The following KDM4C variants were observed in gnomAD, a reference collection of about 807,000 sequenced individuals.
The protein encoded by KDM4C is lysine demethylase 4C.
In KDM4C, 81 loss-of-function variants were observed where a neutral mutation model predicts 129.3. The observed-to-expected ratio is 0.63, with a 90% CI of 0.52 to 0.75. The LOEUF (loss-of-function observed/expected upper bound fraction) is 0.75. KDM4C is among the 30% of genes least tolerant of loss of function. The pLI is 0.00. For missense variants in KDM4C, 1,457 were observed against 1,304.0 expected (o/e 1.12, Z -1.81); for synonymous variants, 573 against 456.1 (o/e 1.26, Z -3.26).
chr9:7,010,594 C>G (rs145431951), intron 12 of KDM4C, among the ~76,000 whole-genome samples: 6 of 152,212 alleles, frequency 3.9e-5, no homozygotes, highest in Non-Finnish European at 8.8e-5. Context: ...TGTCACAGCC[C>G]TAGACACTGG....
chr9:7,151,524 A>C (rs770189918), intron 19 of KDM4C, among the ~76,000 whole-genome samples: 1 of 152,144 alleles, frequency 6.6e-6, no homozygotes, highest in Non-Finnish European at 1.5e-5. Flanking sequence ...TTTAAAAAAA[A>C]ATTAGCCAAG....
At chr9:7,019,939 G>A (rs995026815) in intron 15 of KDM4C, among the ~76,000 whole-genome samples, 13 of 151,588 alleles carry the variant, frequency 8.6e-5, no homozygotes, top group African/African-American at 1.2e-4. Context: ...TCATAGATCA[G>A]CTCTCTTTTT....
intron 17 of KDM4C, among the ~76,000 whole-genome samples, chr9:7,068,907 G>A (rs1486909292): frequency 6.6e-6 from 1 of 151,824 alleles, no homozygotes; most frequent in East Asian, 1.9e-4. Flanking sequence ...GTGTTGGCCA[G>A]ACTGGTCTCG....
intron 8 of KDM4C, among the ~76,000 whole-genome samples, chr9:6,946,719 A>C (rs4742272): frequency 6.6e-6 from 1 of 151,938 alleles, no homozygotes; most frequent in Non-Finnish European, 1.5e-5. Context: ...TATGTCACTC[A>C]TGTTCTTTCT....
Position 6,833,975 on chromosome 9 carries a change from C to G in KDM4C, c.436-15532C>G, listed in dbSNP as rs548078096. Among the ~76,000 whole-genome samples the G allele has an allele frequency of 3.3e-5, 5 of 151,534 alleles. No individual in the cohort carries two copies. In the East Asian group the frequency reaches 9.7e-4, roughly 29 times the overall value. On this transcript the variant is annotated intron_variant, in intron 4 of 21. Coordinates refer to ENST00000381309, the MANE Select transcript of KDM4C (RefSeq NM_015061.6). ...GAGAAATATACCACTATCTTCTTGT[C>G]AGTAAGATCCTGCCGTGTGTGGTGC...
intron 1 of KDM4C, chr9:6,727,509 C>G (rs991166880): frequency 1.3e-5 from 2 of 149,970 alleles, no homozygotes; most frequent in Admixed American, 1.4e-4. Context: ...GTAGTCCCAG[C>G]ACTTTGGGAG....
At position 7,015,883 on chromosome 9, in the gene KDM4C, G is replaced by T; in HGVS notation, c.2213G>T (p.Cys738Phe). ...SCYGIPSHEI[C>F]DGWLCARCKR... ...TATGGTATTCCTTCTCATGAGATCT[G>T]TGATGGATGGCTGTGTGCCCGGTGC... is the stretch of plus-strand genomic sequence containing the variant. Residue 738 changes from cysteine (C) to phenylalanine (F), a missense_variant, in exon 15 of 22, where the codon TGT becomes TTT. Cys to Phe is a radical substitution (Grantham distance 205, BLOSUM62 -2). Transcript: ENST00000381309. 2 of 1,612,938 alleles carry T rather than the reference G, an allele frequency of 1.2e-6. No homozygotes were observed. The highest frequency in any genetic ancestry group is 1.7e-6 in the Non-Finnish European group (2 of 1,179,178).
At chr9:6,812,405 G>A (rs1241592541) in intron 3 of KDM4C, among the ~76,000 whole-genome samples, 1 of 152,124 alleles carries the variant, frequency 6.6e-6, no homozygotes, top group Non-Finnish European at 1.5e-5. Context: ...GTGTTTTGGG[G>A]CAGTGGTCCC....
intron 18 of KDM4C, among the ~76,000 whole-genome samples, chr9:7,111,752 T>C (rs552560142): frequency 1.2e-4 from 19 of 152,146 alleles, no homozygotes; most frequent in Non-Finnish European, 2.5e-4. Context: ...GCTGGTGAAG[T>C]AGATTGGGTG....
At chr9:6,948,304 G>C (rs1415667224) in intron 8 of KDM4C, 9 of 152,080 alleles carry the variant, frequency 5.9e-5, no homozygotes, top group Non-Finnish European at 1.2e-4. Flanking sequence ...GCATTTGTTA[G>C]TTTCAAATAA....
At chr9:7,076,280 A>G (rs1024403035) in intron 17 of KDM4C, among the ~76,000 whole-genome samples, 23 of 152,372 alleles carry the variant, frequency 1.5e-4, no homozygotes, top group Admixed American at 1.1e-3. Context: ...TTAAGGAAAC[A>G]TAAATGGTAA....
chr9:6,763,326 A>T (rs1819952649), intron 1 of KDM4C, among the ~76,000 whole-genome samples: 2 of 152,110 alleles, frequency 1.3e-5, no homozygotes, highest in Non-Finnish European at 2.9e-5. Context: ...CTGCTACCCC[A>T]GTTGCACTTC....
intron 4 of KDM4C, among the ~76,000 whole-genome samples, chr9:6,823,899 T>C (rs571482961): frequency 9.8e-5 from 15 of 152,326 alleles, no homozygotes; most frequent in African/African-American, 3.4e-4. Context: ...ACTTACTTTC[T>C]CCTCGGGTTT....
At chr9:6,862,944 T>G (rs1841229061) in intron 5 of KDM4C, among the ~76,000 whole-genome samples, 1 of 152,204 alleles carries the variant, frequency 6.6e-6, no homozygotes, top group South Asian at 2.1e-4. Flanking sequence ...ATGGACCCCT[T>G]TAAGCCACTT....
chr9:7,009,941 GAA>G (rs1188232344), intron 12 of KDM4C, among the ~76,000 whole-genome samples: 1 of 151,932 alleles, frequency 6.6e-6, no homozygotes, highest in African/African-American at 2.4e-5. Context: ...AAAAAATTAA[GAA>G]AAAGATATGT....
chr9:7,152,984 A>T (rs1197017006), intron 19 of KDM4C, among the ~76,000 whole-genome samples: 1 of 152,250 alleles, frequency 6.6e-6, no homozygotes, highest in African/African-American at 2.4e-5. Flanking sequence ...AAATGTGGTG[A>T]CAGTGATCAC....
rs1827473976 is a variant in KDM4C at position 7,035,429 on chromosome 9, ATTCT to A, written c.2260-11432_2260-11429del. ...GAGTAGTTTGCAAATATTTTTTCCC[ATTCT>A]GTAGTTCTTCTTTTCACTCTATTAT... On this transcript the variant is annotated intron_variant, in intron 15 of 21. Coordinates refer to ENST00000381309, the MANE Select transcript of KDM4C (RefSeq NM_015061.6). Among the ~76,000 whole-genome samples the A allele has an allele frequency of 1.4e-5, 2 of 146,294 alleles. 1 individual carries two copies. Among genetic ancestry groups the A allele is most frequent in the Non-Finnish European group, 3.0e-5 (2 of 66,288 alleles).
intron 5 of KDM4C, among the ~76,000 whole-genome samples, chr9:6,850,057 C>T (rs570934707): frequency 2.0e-5 from 3 of 152,244 alleles, no homozygotes; most frequent in South Asian, 4.1e-4. Flanking sequence ...TTAAAATTGC[C>T]TACAATATTT....
intron 12 of KDM4C, among the ~76,000 whole-genome samples, chr9:6,991,445 A>G (rs1271833574): frequency 1.3e-5 from 2 of 151,980 alleles, no homozygotes; most frequent in African/African-American, 4.8e-5. Flanking sequence ...TAAAAATCAG[A>G]TCCCTGATTC....
Sources: gnomAD v4.1 joint callset for allele counts (sites outside exome capture counted in the v4.1 genomes callset) on GRCh38, gnomAD v4.1.1 for gene constraint, MANE v1.5 for transcripts, NCBI Gene and HGNC (gene_info 2026-07-23, HGNC 2026-07-21) for gene names.